SBK1: variants seen among roughly 807,000 people sequenced by gnomAD.
The protein encoded by SBK1 is SH3 domain binding kinase 1.
In SBK1, 11 loss-of-function variants were observed where a neutral mutation model predicts 24.4. The ratio of observed to expected loss-of-function variants is 0.45; its 90% confidence interval spans 0.28 to 0.75. The LOEUF is 0.75. SBK1 is among the 30% of genes least tolerant of loss of function. SBK1 has a pLI of 0.12. For missense variants in SBK1, 467 were observed against 620.5 expected (o/e 0.75, Z 2.63); for synonymous variants, 308 against 284.4 (o/e 1.08, Z -0.83).
intron 1 of SBK1, among the ~76,000 whole-genome samples, chr16:28,309,859 CGCATGTGT>C (rs2044742604): frequency 1.3e-5 from 2 of 152,106 alleles, no homozygotes; most frequent in Non-Finnish European, 2.9e-5. Context: ...TGTGTGTGTG[CGCATGTGT>C]GCATGTGTGT....
Position 28,262,501 on chromosome 16 carries a change from G to A in SBK1, c.257+2999G>A, listed in dbSNP as rs187715354. ...TGTGGATTCAGTACATTTTCCCTGA[G>A]GCTCCCTGGGGACTGGATGCTGAGG... On this transcript the variant is annotated intron_variant, in intron 1 of 3. Coordinates refer to the SBK1 transcript ENST00000671413. Among the ~76,000 whole-genome samples the A allele has an allele frequency of 1.0e-3, 157 of 152,328 alleles. 3 individuals carry two copies. The South Asian group carries it at 0.026, about 25-fold the overall frequency.
At chr16:28,287,774 G>A (rs1401699588), upstream of SBK1, among the ~76,000 whole-genome samples, 1 of 152,098 alleles carries the variant, frequency 6.6e-6, no homozygotes, top group Non-Finnish European at 1.5e-5. Flanking sequence ...AGTGATTCTT[G>A]GGCCTCAGCT....
Position 28,320,102 on chromosome 16 carries a change from G to A in SBK1, c.456G>A (p.Lys152=). ...PQVGLPEDTV[K]RCVQQLGLAL... ...TGGGGCTCCCTGAGGACACGGTGAA[G>A]CGCTGTGTGCAGCAGCTGGGCCTGG... Residue 152 remains lysine (K), a synonymous_variant, in exon 4 of 4, where the codon AAG becomes AAA. Coordinates refer to ENST00000341901, the MANE Select transcript of SBK1 (RefSeq NM_001024401.3). This position sits in a 1 kb window ranked among gnomAD's most constrained non-coding sequence, Gnocchi z 8.5. The A allele has an allele frequency of 6.5e-7, 1 of 1,548,362 alleles. No homozygotes were observed. The highest frequency in any genetic ancestry group is 8.7e-7 in the Non-Finnish European group (1 of 1,152,292).
Position 28,292,598 on chromosome 16 carries a change from G to A in SBK1, c.-710G>A, listed in dbSNP as rs1266425960. 6.1e-6 allele frequency: 6 copies of A among 980,208 alleles called. No individual in the cohort carries two copies. The highest frequency in any genetic ancestry group is 7.3e-6 in the Non-Finnish European group (6 of 827,378). The allele number at this position is 980,208 out of a possible 1,614,324, so 60.7% of individuals were successfully genotyped here. On this transcript the variant is annotated 5_prime_UTR_variant, in exon 1 of 4. Transcript: ENST00000341901. ...AGCGCCAGGCGGAGCGCGAGCTGGA[G>A]CCGCAGCCGGAGCCCGGGCCAGGCC...
intron 1 of SBK1, among the ~76,000 whole-genome samples, chr16:28,284,300 C>T (rs2044551735): frequency 1.3e-5 from 2 of 152,234 alleles, no homozygotes; most frequent in Admixed American, 6.5e-5. Context: ...CAAATGTCTC[C>T]GATTCCTGGG....
intron 1 of SBK1, among the ~76,000 whole-genome samples, chr16:28,273,088 T>C (rs1393264389): frequency 2.0e-5 from 3 of 152,074 alleles, no homozygotes; most frequent in African/African-American, 7.2e-5. Context: ...ATTTTTTTCT[T>C]TTTTTAGAGA....
At chr16:28,316,534 G>A (rs779869439) in intron 1 of SBK1, among the ~76,000 whole-genome samples, 1 of 152,016 alleles carries the variant, frequency 6.6e-6, no homozygotes, top group African/African-American at 2.4e-5. Context: ...GGAGGCTGAG[G>A]TGGAAGGATC....
At chr16:28,295,565 T>G (rs2044632760) in intron 1 of SBK1, among the ~76,000 whole-genome samples, 1 of 152,080 alleles carries the variant, frequency 6.6e-6, no homozygotes, top group South Asian at 2.1e-4. Flanking sequence ...GGAACCAGGT[T>G]TGTCTTGTCC....
chr16:28,290,522 C>T (rs1373684995), upstream of SBK1: 2 of 152,260 alleles, frequency 1.3e-5, no homozygotes, highest in African/African-American at 4.8e-5. Flanking sequence ...GTAATCCCAG[C>T]TACTCAGGAG....
intron 1 of SBK1, among the ~76,000 whole-genome samples, chr16:28,312,566 G>A (rs1341352036): frequency 1.3e-5 from 2 of 152,210 alleles, no homozygotes; most frequent in East Asian, 3.8e-4. Flanking sequence ...AAGGGCATGT[G>A]GGACCGGGTT....
chr16:28,283,392 TTC>T (rs1175241561), intron 1 of SBK1, among the ~76,000 whole-genome samples: 4 of 152,138 alleles, frequency 2.6e-5, no homozygotes, highest in South Asian at 2.1e-4. Context: ...ATGACAAGGA[TTC>T]TCTCTTTACC....
intron 1 of SBK1, among the ~76,000 whole-genome samples, chr16:28,300,421 G>A (rs2141580402): frequency 6.6e-6 from 1 of 152,284 alleles, no homozygotes; most frequent in South Asian, 2.1e-4. Flanking sequence ...CCAGGCTCAA[G>A]TGATCCTCCC....
chr16:28,310,486 G>GA (rs1887522489), intron 1 of SBK1, among the ~76,000 whole-genome samples: 1 of 152,194 alleles, frequency 6.6e-6, no homozygotes, highest in South Asian at 2.1e-4. Flanking sequence ...GCACAAGAGT[G>GA]AAAGGTACCA....
intron 1 of SBK1, among the ~76,000 whole-genome samples, chr16:28,277,158 G>C (rs2044498539): frequency 6.6e-6 from 1 of 151,788 alleles, no homozygotes. Context: ...GACGGGAGGA[G>C]GTCAGGGAGC....
chr16:28,268,561 G>C (rs1349630611), intron 1 of SBK1, among the ~76,000 whole-genome samples: 2 of 151,804 alleles, frequency 1.3e-5, no homozygotes, highest in Non-Finnish European at 1.5e-5. Flanking sequence ...TCAGGAGTTC[G>C]AGACCAGCCT....
chr16:28,320,682 G>C lies in SBK1; in HGVS notation c.1036G>C (p.Glu346Gln). Reference sequence around the variant, plus strand: ...GCCCGCCGCCGGGCCACTGCGCCTCGAGGCGCCTGGGCCGCTCAAGCGGAC... The same window carrying C: ...GCCCGCCGCCGGGCCACTGCGCCTCCAGGCGCCTGGGCCGCTCAAGCGGAC... Reference protein sequence around the residue: ...RPPAAGPLRLEAPGPLKRTVL... With the variant: ...RPPAAGPLRLQAPGPLKRTVL... The change falls in exon 4 of 4, where the codon GAG (glutamate) becomes CAG (glutamine). Residue 346 changes from glutamate to glutamine, a missense_variant. Around this residue, in one of 4 missense-constraint regions of SBK1, gnomAD observed 166 missense variants for 146.8 expected, o/e 1.13. Coordinates refer to ENST00000341901, the MANE Select transcript of SBK1 (RefSeq NM_001024401.3). This position sits in a 1 kb window ranked among gnomAD's most constrained non-coding sequence, Gnocchi z 8.5. 1 of 1,078,678 alleles carries C rather than the reference G, an allele frequency of 9.3e-7. No individual in the cohort carries two copies. The highest frequency in any genetic ancestry group is 1.1e-6 in the Non-Finnish European group (1 of 889,980). 66.8% of individuals were successfully genotyped at this position (1,078,678 alleles called of 1,614,324 possible).
intron 1 of SBK1, among the ~76,000 whole-genome samples, chr16:28,294,856 T>C (rs2044627607): frequency 6.6e-6 from 1 of 152,180 alleles, no homozygotes; most frequent in Non-Finnish European, 1.5e-5. Context: ...TTCAGGACAG[T>C]TGAGGCAGCC....
rs2044387033 is a variant in SBK1 at position 28,259,953 on chromosome 16, G to A, written c.257+451G>A. On this transcript the variant is annotated intron_variant, in intron 1 of 3. Transcript: ENST00000671413. The surrounding 1 kb of genome is among the most constrained non-coding windows in gnomAD (Gnocchi z 6.0). ...CCCAGCTGCAACGCTTCCTCCTTCA[G>A]GAAGCCCTCCTGGATGTCCCTGTCC... 6.6e-6 allele frequency among the ~76,000 whole-genome samples: 1 copy of A among 152,110 alleles called. No homozygotes were observed. The highest frequency in any genetic ancestry group is 2.4e-5 in the African/African-American group (1 of 41,416).
rs1320099558 is a variant in SBK1 at position 28,317,198 on chromosome 16, C to A, written c.-7-187C>A. On this transcript the variant is annotated intron_variant, in intron 1 of 3. Coordinates refer to ENST00000341901, the MANE Select transcript of SBK1 (RefSeq NM_001024401.3). The surrounding 1 kb of genome is among the most constrained non-coding windows in gnomAD (Gnocchi z 4.2). ...GTGACTGGTCTTCGGGGAGCTGACT[C>A]AGGCCTGGCCCCTGAGGCTTTGGGG... Among the ~76,000 whole-genome samples the A allele has an allele frequency of 1.3e-5, 2 of 152,202 alleles. No homozygotes were observed. The highest frequency in any genetic ancestry group is 2.9e-5 in the Non-Finnish European group (2 of 68,038).
Sources: allele counts gnomAD v4.1 joint callset (sites outside exome capture counted in the v4.1 genomes callset), GRCh38; gene constraint gnomAD v4.1.1; regional missense constraint gnomAD v4.1.1; non-coding constraint Gnocchi (gnomAD v3.1); transcripts MANE v1.5; gene names NCBI Gene and HGNC (gene_info 2026-07-23, HGNC 2026-07-21).